PIBF1: variants seen among roughly 807,000 people sequenced by gnomAD.
The protein encoded by PIBF1 is progesterone immunomodulatory binding factor 1.
PIBF1 carries 90 observed loss-of-function variants against 112.5 expected under a neutral mutation model. That is an observed-to-expected ratio of 0.80 (90% confidence interval 0.67 to 0.95). PIBF1 has a LOEUF of 0.95. PIBF1 is among the 40% of genes least tolerant of loss of function. The probability of loss-of-function intolerance (pLI) is 0.00; values close to 1 mark genes in which losing one functional copy is unlikely to be tolerated. For synonymous variants in PIBF1, 301 were observed against 288.6 expected, an observed-to-expected ratio of 1.04 and a Z score of -0.44; for missense variants, 915 against 852.3, an observed-to-expected ratio of 1.07 and a Z score of -0.92.
chr13:72,922,686 A>G (rs2041339638), intron 13 of PIBF1, among the ~76,000 whole-genome samples: 1 of 152,220 alleles, frequency 6.6e-6, no homozygotes, highest in African/African-American at 2.4e-5. Flanking sequence ...AATAAAGCAG[A>G]GGAAACTAGC....
intron 9 of PIBF1, among the ~76,000 whole-genome samples, chr13:72,837,308 C>T (rs1033924556): frequency 6.6e-6 from 1 of 151,966 alleles, no homozygotes; most frequent in African/African-American, 2.4e-5. Context: ...ATTTGAGTAT[C>T]GAATTACTAG....
At chr13:72,944,777 G>T (rs918888025) in intron 14 of PIBF1, among the ~76,000 whole-genome samples, 1 of 151,846 alleles carries the variant, frequency 6.6e-6, no homozygotes, top group African/African-American at 2.4e-5. Context: ...TTGTTGGTTG[G>T]TTTTTTTGAG....
intron 16 of PIBF1, among the ~76,000 whole-genome samples, chr13:72,985,709 G>A (rs1166429406): frequency 2.0e-5 from 3 of 152,178 alleles, no homozygotes; most frequent in East Asian, 3.9e-4. Flanking sequence ...AGAGAAGGCT[G>A]GAATACAACA....
At chr13:72,831,366 G>A (rs1028342359) in intron 8 of PIBF1, among the ~76,000 whole-genome samples, 3 of 152,030 alleles carry the variant, frequency 2.0e-5, no homozygotes, top group African/African-American at 7.2e-5. Flanking sequence ...TAGGGTGTCA[G>A]TTTTAGATCT....
intron 16 of PIBF1, among the ~76,000 whole-genome samples, chr13:72,981,628 A>C (rs2043160387): frequency 6.6e-6 from 1 of 152,234 alleles, no homozygotes; most frequent in Non-Finnish European, 1.5e-5. Flanking sequence ...ATGAATTTTG[A>C]AGTAGCTGTG....
chr13:72,877,640 T>C (rs1015318000), intron 10 of PIBF1, among the ~76,000 whole-genome samples: 2 of 152,192 alleles, frequency 1.3e-5, no homozygotes, highest in Non-Finnish European at 2.9e-5. Context: ...TGGTCCATTT[T>C]GTCTAATTTA....
chr13:72,783,514 T>C lies in PIBF1; in HGVS notation c.45T>C (p.Ser15=). The C allele has an allele frequency of 6.2e-7, 1 of 1,611,270 alleles. No homozygotes were observed. Among genetic ancestry groups the C allele is most frequent in the Non-Finnish European group, 8.5e-7 (1 of 1,177,428 alleles). ...AGGAGTCAAAAAAAGTGAACATCTC[T>C]AGTTCTCTGGAATCTGAAGATATTA... ...ISKESKKVNI[S]SSLESEDISL... is the part of the protein sequence containing the mutation. Residue 15 remains serine, a synonymous_variant, in exon 2 of 18, where the codon TCT becomes TCC. Coordinates refer to ENST00000326291, the MANE Select transcript of PIBF1 (RefSeq NM_006346.4).
intron 10 of PIBF1, among the ~76,000 whole-genome samples, chr13:72,885,528 C>T (rs1377060871): frequency 6.6e-6 from 1 of 152,082 alleles, no homozygotes; most frequent in Non-Finnish European, 1.5e-5. Context: ...ACCATTATCT[C>T]ATTAAGAGCT....
chr13:72,906,192 T>C (rs1301313369), intron 11 of PIBF1, among the ~76,000 whole-genome samples: 1 of 152,160 alleles, frequency 6.6e-6, no homozygotes, highest in African/African-American at 2.4e-5. Flanking sequence ...CCCAGTATTC[T>C]CATTGATTGT....
intron 15 of PIBF1, among the ~76,000 whole-genome samples, chr13:72,972,233 T>G (rs1326189444): frequency 2.0e-5 from 3 of 151,734 alleles, no homozygotes; most frequent in Non-Finnish European, 4.4e-5. Flanking sequence ...GGTCTCTCTG[T>G]GTTGCCCAGA....
chr13:72,999,053 TTTAG>T (rs1374205550), intron 17 of PIBF1, 58 bp downstream of exon 17: 36 of 1,152,874 alleles, frequency 3.1e-5, no homozygotes, highest in Middle Eastern at 6.0e-4. Flanking sequence ...CTAAATGTAT[TTTAG>T]TTAATTTTTT....
At chr13:72,883,282 T>G (rs1348933910) in intron 10 of PIBF1, among the ~76,000 whole-genome samples, 2 of 152,006 alleles carry the variant, frequency 1.3e-5, no homozygotes, top group Non-Finnish European at 2.9e-5. Flanking sequence ...GAGCTAAAAA[T>G]TAAAACAGCT....
At chr13:72,860,551 A>G (rs918616934) in intron 10 of PIBF1, among the ~76,000 whole-genome samples, 4 of 152,110 alleles carry the variant, frequency 2.6e-5, no homozygotes, top group South Asian at 2.1e-4. Flanking sequence ...GTCACTTCCT[A>G]TGTTTTAATC....
At chr13:72,782,920 T>TGG (rs144473826) in intron 1 of PIBF1, among the ~76,000 whole-genome samples, 2 of 149,916 alleles carry the variant, frequency 1.3e-5, no homozygotes, top group African/African-American at 4.9e-5. Flanking sequence ...GTGTTTGTGT[T>TGG]GGGGGGGCGG....
chr13:72,904,902 A>G (rs1030846537), intron 11 of PIBF1, among the ~76,000 whole-genome samples: 1 of 152,002 alleles, frequency 6.6e-6, no homozygotes, highest in African/African-American at 2.4e-5. Flanking sequence ...GAAATACACC[A>G]TAAAGGGGGG....
At chr13:72,930,136 AG>A (rs2041655472) in intron 13 of PIBF1, among the ~76,000 whole-genome samples, 2 of 152,198 alleles carry the variant, frequency 1.3e-5, no homozygotes, top group African/African-American at 2.4e-5. Flanking sequence ...CTGGGGTTGC[AG>A]GCATGAGCCA....
chr13:72,957,227 G>A (rs943129270), intron 14 of PIBF1, among the ~76,000 whole-genome samples: 4 of 152,102 alleles, frequency 2.6e-5, no homozygotes. Flanking sequence ...ATTCATAGCA[G>A]CACAATTCAC....
intron 8 of PIBF1, among the ~76,000 whole-genome samples, chr13:72,833,315 C>G (rs901000476): frequency 2.0e-5 from 3 of 152,114 alleles, no homozygotes; most frequent in Admixed American, 1.3e-4. Context: ...CTCTTGTTGG[C>G]GAGGAGTTGT....
chr13:72,830,535 G>A (rs898992180), intron 8 of PIBF1, among the ~76,000 whole-genome samples: 12 of 151,530 alleles, frequency 7.9e-5, no homozygotes, highest in Admixed American at 6.6e-4. Context: ...TGAGATAATC[G>A]TGGTTTTTGT....
Sources: allele counts gnomAD v4.1 joint callset (sites outside exome capture counted in the v4.1 genomes callset), GRCh38; gene constraint gnomAD v4.1.1; transcripts MANE v1.5; gene names NCBI Gene and HGNC (gene_info 2026-07-23, HGNC 2026-07-21).